Variants in SYNE2 observed in about 807,000 individuals in gnomAD.
SYNE2 encodes the protein nesprin-2.
SYNE2 carries 431 observed loss-of-function variants against 856.3 expected under a neutral mutation model. The ratio of observed to expected loss-of-function variants is 0.50; its 90% confidence interval spans 0.47 to 0.55. The LOEUF is 0.55. Ranked by LOEUF, SYNE2 falls within the 20% of genes least tolerant of loss-of-function variation. SYNE2 has a pLI of 0.00. For synonymous variants in SYNE2, 2,923 were observed against 2,872.3 expected, an observed-to-expected ratio of 1.02 and a Z score of -0.56; for missense variants, 8,129 against 8,023.2, an observed-to-expected ratio of 1.01 and a Z score of -0.50.
intron 2 of SYNE2, among the ~76,000 whole-genome samples, chr14:63,915,887 G>A (rs1011573425): frequency 2.2e-4 from 33 of 152,176 alleles, no homozygotes; most frequent in African/African-American, 7.9e-4. Flanking sequence ...ATTTTTAGAA[G>A]CATTAAAAAT....
chr14:63,945,427 T>C (rs2096011047), intron 6 of SYNE2, among the ~76,000 whole-genome samples: 1 of 152,192 alleles, frequency 6.6e-6, no homozygotes, highest in South Asian at 2.1e-4. Context: ...CTATGTACTC[T>C]TTCGTGTTTG....
intron 1 of SYNE2, among the ~76,000 whole-genome samples, chr14:63,771,183 C>T (rs964854002): frequency 6.6e-6 from 1 of 151,300 alleles, no homozygotes; most frequent in Admixed American, 6.6e-5. Flanking sequence ...CATTCTCCTG[C>T]CTCAGCCTCC....
At chr14:63,945,423 A>G (rs888152869) in intron 6 of SYNE2, among the ~76,000 whole-genome samples, 1 of 151,726 alleles carries the variant, frequency 6.6e-6, no homozygotes, top group African/African-American at 2.4e-5. Context: ...TACACTATGT[A>G]CTCTTTCGTG....
intron 1 of SYNE2, among the ~76,000 whole-genome samples, chr14:63,837,934 A>AAC (rs945261261): frequency 3.3e-5 from 5 of 151,212 alleles, no homozygotes; most frequent in Non-Finnish European, 4.4e-5. Flanking sequence ...AAAAAAAAAA[A>AAC]AAAAAAAAGA....
At chr14:64,093,601 T>C (rs1214944435) in intron 61 of SYNE2, 121 bp downstream of exon 61, 1 of 1,025,414 alleles carries the variant, frequency 9.8e-7, no homozygotes, top group East Asian at 2.4e-5. Flanking sequence ...CCTGTTTCTC[T>C]GTAACAATTG....
intron 96 of SYNE2, among the ~76,000 whole-genome samples, chr14:64,183,180 A>G (rs1258699218): frequency 1.3e-3 from 167 of 124,290 alleles, no homozygotes; most frequent in East Asian, 8.9e-3. Context: ...CCGGGCAGAG[A>G]CGCTCCTCAC....
At chr14:64,020,237 G>C in intron 35 of SYNE2, 144 bp downstream of exon 35, 1 of 650,322 alleles carries the variant, frequency 1.5e-6, no homozygotes, top group Non-Finnish European at 2.7e-6. Context: ...TCTATAACAG[G>C]GGTGTCCTGT....
In SYNE2 at chr14:64,052,688, C is replaced by G. The variant is rs778905999; in HGVS notation, c.8775C>G (p.Asn2925Lys). The change falls in exon 48 of 116, where the codon AAC becomes AAG. Residue 2925 changes from asparagine (N) to lysine (K), a missense_variant. Asn to Lys is a moderately conservative substitution (Grantham distance 94, BLOSUM62 0). Coordinates refer to ENST00000555002, the MANE Select transcript of SYNE2 (RefSeq NM_182914.3). ...DQLKNLKIRTNRIQRFIQNTC... is the reference protein window; with the variant it reads ...DQLKNLKIRTKRIQRFIQNTC... ...TGAAAAATCTTAAGATTAGGACCAA[C>G]AGAATACAAAGATTCATTCAGAATA... 16 of 1,613,644 alleles carry G rather than the reference C, an allele frequency of 9.9e-6. No individual in the cohort carries two copies. The highest frequency in any genetic ancestry group is 1.4e-5 in the Non-Finnish European group (16 of 1,179,862).
intron 1 of SYNE2, among the ~76,000 whole-genome samples, chr14:63,859,938 C>CCCGTCCGT (rs1893043707): frequency 8.0e-6 from 1 of 124,844 alleles, no homozygotes. Flanking sequence ...CTCCCTTCTC[C>CCCGTCCGT]CCTTCCTTCC....
intron 96 of SYNE2, among the ~76,000 whole-genome samples, chr14:64,183,941 AC>A (rs1285733411): frequency 9.8e-6 from 1 of 101,630 alleles, no homozygotes; most frequent in Admixed American, 1.4e-4. Flanking sequence ...TCAGAGGGAG[AC>A]GTGGAAAGAA....
At position 63,894,574 on chromosome 14, in the gene SYNE2, G is replaced by A. The variant is rs75894588; in HGVS notation, c.-51-14524G>A. On this transcript the variant is annotated intron_variant, in intron 1 of 115. Transcript: ENST00000555002. ...TGGAACGGGAGTGTGCTGGGGCAGA[G>A]GTAGATAAAAATACACTGCAGAGCC... Among the ~76,000 whole-genome samples the A allele has an allele frequency of 4.1e-4, 63 of 152,058 alleles. 1 individual carries two copies. In the East Asian group the frequency reaches 0.012, roughly 29 times the overall value.
In SYNE2 at chr14:63,830,229, G is replaced by A. The variant is rs1162379311; in HGVS notation, c.-304-22272G>A. Among the ~76,000 whole-genome samples, 14 of 148,336 alleles carry A rather than the reference G, an allele frequency of 9.4e-5. No individual in the cohort carries two copies. The Admixed American group carries it at 9.5e-4, about 10-fold the overall frequency. On this transcript the variant is annotated intron_variant, in intron 1 of 23. Transcript: ENST00000674003. ...GTAGTGGCCTAGGACAGGGAGTGGG[G>A]TAGTGGTGATGGGGTGAAGGCTAAA...
In SYNE2 at chr14:64,215,376, T is replaced by C. The variant is rs765760035; in HGVS notation, c.19402+22T>C. ...TCTGGTAGGCCCCCGCCCATGCATG[T>C]GTCAACATGGCAGCATCCTGTGGCG... On this transcript the variant is annotated intron_variant, in intron 107 of 115. Transcript: ENST00000555002. 4.2e-5 allele frequency: 67 copies of C among 1,610,350 alleles called. No homozygotes were observed. The South Asian group carries it at 7.2e-4, about 17-fold the overall frequency.
intron 1 of SYNE2, among the ~76,000 whole-genome samples, chr14:63,853,514 C>T (rs900735395): frequency 6.6e-6 from 1 of 151,752 alleles, no homozygotes; most frequent in Non-Finnish European, 1.5e-5. Flanking sequence ...CCCGGCCGCC[C>T]CCTCCCGGGC....
intron 1 of SYNE2, among the ~76,000 whole-genome samples, chr14:63,844,953 G>T (rs1890181623): frequency 1.3e-5 from 2 of 152,186 alleles, no homozygotes; most frequent in South Asian, 4.1e-4. Flanking sequence ...CTAAGTATCA[G>T]ATCTTTGGAA....
chr14:63,863,790 A>G (rs1263725498), intron 1 of SYNE2, among the ~76,000 whole-genome samples: 1 of 152,200 alleles, frequency 6.6e-6, no homozygotes, highest in Non-Finnish European at 1.5e-5. Context: ...TCTGTTTATT[A>G]AAGAGTTAAA....
intron 51 of SYNE2, among the ~76,000 whole-genome samples, chr14:64,069,830 A>G (rs1311674824): frequency 1.3e-5 from 2 of 152,162 alleles, no homozygotes; most frequent in African/African-American, 4.8e-5. Flanking sequence ...TTCAGTTAGC[A>G]TGATATCATA....
intron 90 of SYNE2, chr14:64,166,963 T>C (rs1022341228): frequency 4.0e-6 from 2 of 495,766 alleles, no homozygotes; most frequent in Non-Finnish European, 3.6e-6. Flanking sequence ...GCCTATTTTC[T>C]GTATTCTTCG....
chr14:63,850,943 C>T (rs188859681), upstream of SYNE2, among the ~76,000 whole-genome samples: 6 of 152,168 alleles, frequency 3.9e-5, no homozygotes, highest in South Asian at 2.1e-4. Context: ...TGAATAGAAC[C>T]GAGAAGAGAA....
Sources: allele counts gnomAD v4.1 joint callset (sites outside exome capture counted in the v4.1 genomes callset), GRCh38; gene constraint gnomAD v4.1.1; transcripts MANE v1.5; gene names NCBI Gene and HGNC (gene_info 2026-07-23, HGNC 2026-07-21).